Variants in ARFGEF2 observed in about 807,000 individuals in gnomAD.
ARFGEF2 encodes the protein brefeldin A-inhibited guanine nucleotide-exchange protein 2.
A neutral mutation model predicts 219.9 loss-of-function variants in ARFGEF2; 74 were observed. The ratio of observed to expected loss-of-function variants is 0.34; its 90% CI spans 0.28 to 0.41. The LOEUF (loss-of-function observed/expected upper bound fraction) is 0.41. Ranked by LOEUF, ARFGEF2 falls within the 10% of genes least tolerant of loss-of-function variation. The pLI is 1.00. For missense variants in ARFGEF2, 1,743 were observed against 2,218.3 expected, an observed-to-expected ratio of 0.79 and a Z score of 4.30; for synonymous variants, 733 against 799.2, an observed-to-expected ratio of 0.92 and a Z score of 1.40.
Position 48,989,350 on chromosome 20 carries a change from G to T in ARFGEF2, c.2599G>T (p.Ala867Ser), listed in dbSNP as rs771749116. Residue 867 changes from alanine to serine, a missense_variant, in exon 19 of 39, where the codon GCC becomes TCC. Transcript: ENST00000371917. ...AGAGATGGAGCAAATGGCTAAAACA[G>T]CCAAAGCTCTGATGGAGGCTGTGAG... ...NLEMEQMAKT[A>S]KALMEAVSHA... is the part of the protein sequence containing the mutation. 2 of 1,614,186 alleles carry T rather than the reference G, an allele frequency of 1.2e-6. No homozygotes were observed. The highest frequency in any genetic ancestry group is 1.1e-5 in the South Asian group (1 of 91,086).
At chr20:49,020,688 C>T (rs2091560195) in intron 34 of ARFGEF2, among the ~76,000 whole-genome samples, 1 of 152,180 alleles carries the variant, frequency 6.6e-6, no homozygotes, top group Non-Finnish European at 1.5e-5. Flanking sequence ...TCAAGCCATC[C>T]TCCTGCCTTG....
At chr20:49,004,028 G>A (rs981947342) in intron 25 of ARFGEF2, among the ~76,000 whole-genome samples, 1 of 152,126 alleles carries the variant, frequency 6.6e-6, no homozygotes, top group Non-Finnish European at 1.5e-5. Flanking sequence ...AGCACCTTGG[G>A]AGATGTTGTT....
At chr20:48,969,660 T>TA (rs1358692260) in intron 9 of ARFGEF2, among the ~76,000 whole-genome samples, 1 of 152,238 alleles carries the variant, frequency 6.6e-6, no homozygotes, top group Admixed American at 6.5e-5. Flanking sequence ...GCTTCATCGA[T>TA]ACAGATGTAA....
chr20:48,971,787 G>T (rs1046971853), intron 10 of ARFGEF2, among the ~76,000 whole-genome samples: 2 of 152,066 alleles, frequency 1.3e-5, no homozygotes, highest in Non-Finnish European at 2.9e-5. Flanking sequence ...TGTAGTCCCA[G>T]CTACTCGGGA....
chr20:48,955,033 A>G (rs1417006462), intron 6 of ARFGEF2, among the ~76,000 whole-genome samples: 2 of 152,192 alleles, frequency 1.3e-5, no homozygotes, highest in Non-Finnish European at 2.9e-5. Context: ...AAGTGCTTCC[A>G]CTTTAGCCCA....
Position 49,016,281 on chromosome 20 carries a change from A to T in ARFGEF2, c.4181A>T (p.Lys1394Ile). 2 of 1,613,982 alleles carry T rather than the reference A, an allele frequency of 1.2e-6. No individual in the cohort carries two copies. Among genetic ancestry groups the T allele is most frequent in the South Asian group, 1.1e-5 (1 of 91,058 alleles). The change falls in exon 31 of 39, where the codon AAA becomes ATA. Residue 1394 changes from lysine to isoleucine, a missense_variant and splice_region_variant. By Grantham distance (102) the Lys-to-Ile change is moderately radical (BLOSUM62 -3). Around this residue, in one of 5 missense-constraint regions of ARFGEF2, gnomAD observed 578 missense variants for 664.0 expected, o/e 0.87. Coordinates refer to ENST00000371917, the MANE Select transcript of ARFGEF2 (RefSeq NM_006420.3). The stretch of plus-strand genomic sequence containing the variant: ...AGTGTCATCTTTTTGTTTTCCCAGA[A>T]ATCTGAGTGGATGACAACAACCTGC... Reference protein sequence around the residue: ...NMKLPEQLSEKSEWMTTTCNH... With the variant: ...NMKLPEQLSEISEWMTTTCNH...
intron 6 of ARFGEF2, among the ~76,000 whole-genome samples, chr20:48,956,161 A>G (rs1171082098): frequency 6.6e-6 from 1 of 152,258 alleles, no homozygotes; most frequent in Non-Finnish European, 1.5e-5. Flanking sequence ...ACTAAAGTGC[A>G]TGGATGTTGG....
intron 36 of ARFGEF2, among the ~76,000 whole-genome samples, chr20:49,026,448 A>G (rs1018807502): frequency 6.6e-6 from 1 of 152,108 alleles, no homozygotes; most frequent in African/African-American, 2.4e-5. Flanking sequence ...TTACTTTCCT[A>G]CCTCCAAAAA....
chr20:49,023,424 AGAGT>A (rs1396824645), intron 35 of ARFGEF2, among the ~76,000 whole-genome samples: 25 of 152,108 alleles, frequency 1.6e-4, no homozygotes, highest in African/African-American at 5.6e-4. Context: ...TATACCCCAG[AGAGT>A]GAGTTTATGA....
At chr20:48,954,602 T>A (rs1177509752) in intron 6 of ARFGEF2, among the ~76,000 whole-genome samples, 1 of 152,258 alleles carries the variant, frequency 6.6e-6, no homozygotes, top group African/African-American at 2.4e-5. Flanking sequence ...CTGTTGGTAG[T>A]ATGTTCCCTA....
chr20:48,970,274 C>T (rs1482299475), intron 9 of ARFGEF2, among the ~76,000 whole-genome samples: 2 of 151,734 alleles, frequency 1.3e-5, no homozygotes, highest in African/African-American at 4.8e-5. Flanking sequence ...GAGATCGTGT[C>T]ACTGAACTCT....
At position 48,921,899 on chromosome 20, in the gene ARFGEF2, A is replaced by G; in HGVS notation, c.10A>G (p.Ser4Gly). ...CCGCCGGGCCGGGGCCATGCAGGAG[A>G]GCCAGACCAAGAGCATGTTCGTGTC... is the stretch of plus-strand genomic sequence containing the variant. MQE[S>G]QTKSMFVSRA... The change falls in exon 1 of 39, where the codon AGC becomes GGC. Residue 4 changes from serine (S) to glycine (G), a missense_variant. Physicochemically the swap from Ser to Gly is moderately conservative, Grantham distance 56 (BLOSUM62 0). Transcript: ENST00000371917. 2 of 1,549,788 alleles carry G rather than the reference A, an allele frequency of 1.3e-6. No individual in the cohort carries two copies. Among genetic ancestry groups the G allele is most frequent in the Non-Finnish European group, 1.7e-6 (2 of 1,145,964 alleles).
intron 7 of ARFGEF2, among the ~76,000 whole-genome samples, chr20:48,965,447 G>C (rs905619831): frequency 6.6e-6 from 1 of 152,030 alleles, no homozygotes; most frequent in Non-Finnish European, 1.5e-5. Context: ...AAGAAGCTCA[G>C]GTTTACATTT....
At position 49,023,549 on chromosome 20, in the gene ARFGEF2, G is replaced by GT. The variant is rs1248350222; in HGVS notation, c.4755+375dup. On this transcript the variant is annotated intron_variant, in intron 35 of 38. Coordinates refer to ENST00000371917, the MANE Select transcript of ARFGEF2 (RefSeq NM_006420.3). ...TTTTTTTTTTTTTGTTTTTTTTTTT[G>GT]TTTTTTTGAGACGGAGTCTCGCTCT... 4.1e-5 allele frequency among the ~76,000 whole-genome samples: 4 copies of GT among 98,612 alleles called. No individual in the cohort carries two copies. The Admixed American group carries it at 4.2e-4, about 10-fold the overall frequency. 64.7% of individuals were successfully genotyped at this position (98,612 alleles called of 152,430 possible). A position where few individuals can be genotyped will look rare whatever the true frequency, so the allele number is the denominator to read the frequency against.
At chr20:48,935,796 A>G (rs1470134919) in intron 1 of ARFGEF2, among the ~76,000 whole-genome samples, 2 of 135,790 alleles carry the variant, frequency 1.5e-5, no homozygotes, top group East Asian at 2.4e-4. Context: ...TCCCTCCCGG[A>G]CGGGGCGGCT....
At chr20:49,015,107 G>GTTTT (rs1568738885) in intron 30 of ARFGEF2, among the ~76,000 whole-genome samples, 2 of 152,024 alleles carry the variant, frequency 1.3e-5, no homozygotes, top group African/African-American at 4.8e-5. Context: ...TTGTTTGTTT[G>GTTTT]TTCCTTTGCT....
chr20:48,942,216 G>A (rs1411806454), intron 3 of ARFGEF2, among the ~76,000 whole-genome samples: 1 of 152,138 alleles, frequency 6.6e-6, no homozygotes, highest in Non-Finnish European at 1.5e-5. Context: ...TATCTTATTT[G>A]TTCATGTCTT....
chr20:48,924,313 T>C lies in ARFGEF2; in HGVS notation c.121+2303T>C, dbSNP rs190159605. ...TCACGAGGTCAGGAGATCGAAACCA[T>C]CCTGGCTAACACGGTGAAACCCCGC... On this transcript the variant is annotated intron_variant, in intron 1 of 38. Coordinates refer to ENST00000371917, the MANE Select transcript of ARFGEF2 (RefSeq NM_006420.3). Among the ~76,000 whole-genome samples, 14 of 151,874 alleles carry C rather than the reference T, an allele frequency of 9.2e-5. No individual in the cohort carries two copies. The East Asian group carries it at 2.3e-3, about 25-fold the overall frequency.
intron 23 of ARFGEF2, 85 bp from the exon 24 acceptor site, chr20:48,998,108 C>A: frequency 7.9e-7 from 1 of 1,268,008 alleles, no homozygotes; most frequent in South Asian, 1.2e-5. Context: ...GATACACCCT[C>A]CTCGGCCTCC....
Sources: gnomAD v4.1 joint callset for allele counts (sites outside exome capture counted in the v4.1 genomes callset) on GRCh38, gnomAD v4.1.1 for gene constraint, gnomAD v4.1.1 regional missense constraint, MANE v1.5 for transcripts, NCBI Gene and HGNC (gene_info 2026-07-23, HGNC 2026-07-21) for gene names.